DMD: variants seen among roughly 807,000 people sequenced by gnomAD.
The protein encoded by DMD is mutant dystrophin.
Under a neutral mutation model 330.1 loss-of-function variants are expected in DMD, and 63 were observed. The observed-to-expected ratio is 0.19, with a 90% confidence interval of 0.16 to 0.24. The LOEUF is 0.24. Among genes scored for constraint, DMD ranks in the 10% least tolerant of loss-of-function variants. The probability of loss-of-function intolerance (pLI) is 1.00; values close to 1 mark genes in which losing one functional copy is unlikely to be tolerated. For missense variants in DMD, 3,344 were observed against 2,684.1 expected (o/e 1.25, Z -5.43); for synonymous variants, 1,223 against 959.8 (o/e 1.27, Z -5.07).
intron 9 of DMD, among the ~76,000 whole-genome samples, chrX:32,654,561 A>C (rs1294098143): frequency 9.0e-6 from 1 of 111,438 alleles, no homozygotes; most frequent in South Asian, 3.7e-4. Flanking sequence ...CCAGTATTTT[A>C]TTGAGGATTT....
intron 59 of DMD, among the ~76,000 whole-genome samples, chrX:31,466,498 A>C (rs2066868003): frequency 1.8e-5 from 2 of 111,008 alleles, no homozygotes; most frequent in South Asian, 7.6e-4. Flanking sequence ...ATTATTTCTG[A>C]GGCCTCTGTT....
At chrX:31,722,890 A>G (rs1388056026) in intron 52 of DMD, among the ~76,000 whole-genome samples, 2 of 110,131 alleles carry the variant, frequency 1.8e-5, no homozygotes, top group Non-Finnish European at 3.8e-5. Flanking sequence ...TACTAAAAAT[A>G]CAAAAAAATT....
intron 1 of DMD, among the ~76,000 whole-genome samples, chrX:33,152,997 T>C (rs1004000610): frequency 5.3e-5 from 6 of 112,820 alleles, no homozygotes; most frequent in Non-Finnish European, 3.7e-5. Context: ...AGTTTTCAAG[T>C]TAGTTCTGTA....
At chrX:31,978,112 T>C (rs1260316485) in intron 44 of DMD, among the ~76,000 whole-genome samples, 1 of 112,036 alleles carries the variant, frequency 8.9e-6, no homozygotes, top group Admixed American at 9.5e-5. Flanking sequence ...CGCTTCCTTC[T>C]TAGGCTACCA....
At chrX:32,122,194 T>C (rs1009800248) in intron 44 of DMD, among the ~76,000 whole-genome samples, 13 of 111,851 alleles carry the variant, frequency 1.2e-4, no homozygotes, top group African/African-American at 4.2e-4. Context: ...TATATGGTTT[T>C]TCCTATAGCG....
At chrX:32,886,588 CAGG>C (rs773312926) in intron 2 of DMD, among the ~76,000 whole-genome samples, 1 of 110,091 alleles carries the variant, frequency 9.1e-6, no homozygotes, top group East Asian at 2.9e-4. Flanking sequence ...GAGGCTGAGG[CAGG>C]AGAATGGCGT....
At chrX:31,616,588 C>T (rs772833555) in intron 55 of DMD, among the ~76,000 whole-genome samples, 2 of 112,159 alleles carry the variant, frequency 1.8e-5, no homozygotes, top group South Asian at 3.7e-4. Context: ...TTATTGAACA[C>T]TTTTCATGTG....
chrX:32,807,581 A>G (rs1015983634), intron 7 of DMD, among the ~76,000 whole-genome samples: 2 of 111,589 alleles, frequency 1.8e-5, no homozygotes, highest in African/African-American at 6.5e-5. Context: ...CACTTAGGAG[A>G]GCATATGGAG....
At chrX:33,058,409 G>A (rs1187523941) in intron 1 of DMD, among the ~76,000 whole-genome samples, 1 of 109,900 alleles carries the variant, frequency 9.1e-6, no homozygotes, top group Non-Finnish European at 1.9e-5. Flanking sequence ...CTCAGCCTCT[G>A]GAGTAGCTGG....
At chrX:31,274,585 A>G (rs1349666071) in intron 62 of DMD, among the ~76,000 whole-genome samples, 1 of 112,299 alleles carries the variant, frequency 8.9e-6, no homozygotes, top group Non-Finnish European at 1.9e-5. Context: ...CAATGTCTGA[A>G]TCTTGTACTC....
intron 44 of DMD, among the ~76,000 whole-genome samples, chrX:32,108,086 G>C (rs1002527902): frequency 3.6e-5 from 4 of 111,502 alleles, no homozygotes; most frequent in Non-Finnish European, 7.5e-5. Flanking sequence ...AAATGATTTA[G>C]GATGAACTGT....
At chrX:32,528,166 A>G (rs113162722) in intron 17 of DMD, among the ~76,000 whole-genome samples, 3,158 of 110,871 alleles carry the variant, frequency 0.028, 67 homozygotes, top group Admixed American at 0.077. Context: ...AAAATTAGCC[A>G]GCTGTGGTGG....
intron 1 of DMD, among the ~76,000 whole-genome samples, chrX:33,277,608 C>T (rs2053255658): frequency 9.1e-6 from 1 of 110,375 alleles, no homozygotes; most frequent in Non-Finnish European, 1.9e-5. Context: ...TTGGGCTGAA[C>T]AGTCACAAGA....
chrX:33,170,853 T>C (rs1321560407), intron 1 of DMD, among the ~76,000 whole-genome samples: 2 of 111,693 alleles, frequency 1.8e-5, no homozygotes, highest in African/African-American at 6.5e-5. Context: ...CTGTAGTAGG[T>C]ATGAGGTCTA....
chrX:33,051,735 G>A (rs531639820), intron 1 of DMD, among the ~76,000 whole-genome samples: 1 of 95,791 alleles, frequency 1.0e-5, no homozygotes, highest in Non-Finnish European at 2.0e-5. Flanking sequence ...TGCAACCTCC[G>A]CTTCCTGGGT....
At chrX:32,803,695 T>C (rs989275779) in intron 7 of DMD, among the ~76,000 whole-genome samples, 1 of 112,244 alleles carries the variant, frequency 8.9e-6, no homozygotes, top group Non-Finnish European at 1.9e-5. Flanking sequence ...AACTTATTTA[T>C]TTCTGCCTTA....
At chrX:32,929,626 A>G (rs2089409132) in intron 2 of DMD, among the ~76,000 whole-genome samples, 1 of 111,045 alleles carries the variant, frequency 9.0e-6, no homozygotes, top group Non-Finnish European at 1.9e-5. Context: ...GGTTTGTTAC[A>G]TAGGTATGCA....
At chrX:31,283,342 A>G (rs781610162) in intron 62 of DMD, among the ~76,000 whole-genome samples, 6 of 111,817 alleles carry the variant, frequency 5.4e-5, no homozygotes, top group Admixed American at 2.9e-4. Context: ...TAAATCTAGG[A>G]TACAAATGTA....
At chrX:32,342,575 G>C (rs1201966378) in intron 40 of DMD, 1 of 327,568 alleles carries the variant, frequency 3.1e-6, no homozygotes, top group Non-Finnish European at 5.3e-6. Flanking sequence ...GAAACAATTT[G>C]GAGTGATAAC....
Sources: gnomAD v4.1 joint callset for allele counts (sites outside exome capture counted in the v4.1 genomes callset) on GRCh38, gnomAD v4.1.1 for gene constraint, MANE v1.5 for transcripts, NCBI Gene and HGNC (gene_info 2026-07-23, HGNC 2026-07-21) for gene names.